Variants in GABRR3 observed in about 807,000 individuals in gnomAD.
GABRR3 encodes the protein gamma-aminobutyric acid type A receptor subunit rho3.
A neutral mutation model predicts 43.2 loss-of-function variants in GABRR3; 29 were observed. The observed-to-expected ratio is 0.67, with a 90% CI of 0.50 to 0.92. The LOEUF is 0.92. Among genes scored for constraint, GABRR3 ranks in the 40% least tolerant of loss-of-function variants. The probability of loss-of-function intolerance (pLI) is 0.00; values close to 1 mark genes in which losing one functional copy is unlikely to be tolerated. For missense variants in GABRR3, 576 were observed against 572.3 expected, an observed-to-expected ratio of 1.01 and a Z score of -0.07; for synonymous variants, 206 against 195.9, an observed-to-expected ratio of 1.05 and a Z score of -0.43.
intron 7 of GABRR3, among the ~76,000 whole-genome samples, chr3:98,004,187 A>G (rs1027946558): frequency 3.3e-5 from 5 of 152,184 alleles, no homozygotes; most frequent in African/African-American, 4.8e-5. Flanking sequence ...AATACTCTCT[A>G]TGAAAAGGAT....
chr3:98,026,270 A>G (rs1440067748), intron 2 of GABRR3, among the ~76,000 whole-genome samples: 1 of 152,188 alleles, frequency 6.6e-6, no homozygotes, highest in African/African-American at 2.4e-5. Flanking sequence ...AGCCTGAGGG[A>G]TGGCAATATT....
In GABRR3 at chr3:98,025,827, T is replaced by C. The variant is rs542471291; in HGVS notation, c.126-148A>G. 65 of 556,474 alleles carry C rather than the reference T, an allele frequency of 1.2e-4. No individual in the cohort carries two copies. The East Asian group carries it at 1.9e-3, about 16-fold the overall frequency. 34.5% of individuals were successfully genotyped at this position (556,474 alleles called of 1,614,324 possible). Reference sequence around the variant, plus strand: ...CTCAGTTCATATTAAGCCAAAGAGCTGTCAACATTTGTTCTTTATTATATA... The same window carrying C: ...CTCAGTTCATATTAAGCCAAAGAGCCGTCAACATTTGTTCTTTATTATATA... On this transcript the variant is annotated intron_variant, in intron 2 of 9. Transcript: ENST00000621172.
chr3:98,034,944 A>T, exon 2 of GABRR3: 2 of 1,613,070 alleles, frequency 1.2e-6, no homozygotes, highest in Non-Finnish European at 1.7e-6. Flanking sequence ...TTTCAATATG[A>T]TCCAGATGTA....
At chr3:97,995,520 A>G (rs1706524883) in intron 8 of GABRR3, among the ~76,000 whole-genome samples, 1 of 152,156 alleles carries the variant, frequency 6.6e-6, no homozygotes, top group Non-Finnish European at 1.5e-5. Context: ...TTTTCTTTAA[A>G]AGGGTGCTTA....
intron 2 of GABRR3, among the ~76,000 whole-genome samples, chr3:98,034,381 A>G (rs941171271): frequency 6.6e-6 from 1 of 152,146 alleles, no homozygotes; most frequent in Admixed American, 6.6e-5. Context: ...TGATTTGTCA[A>G]ACGTATGAAA....
chr3:98,020,015 T>C (rs757423540), intron 3 of GABRR3, among the ~76,000 whole-genome samples: 1 of 152,210 alleles, frequency 6.6e-6, no homozygotes, highest in Non-Finnish European at 1.5e-5. Flanking sequence ...ATAATCAAAA[T>C]AACAATTCAC....
At chr3:98,006,834 C>T (rs1196899394) in intron 7 of GABRR3, among the ~76,000 whole-genome samples, 1 of 152,240 alleles carries the variant, frequency 6.6e-6, no homozygotes, top group Non-Finnish European at 1.5e-5. Flanking sequence ...ATGGGGATCA[C>T]ATATAACTTT....
At chr3:98,025,897 T>C (rs1486367100) in intron 2 of GABRR3, among the ~76,000 whole-genome samples, 1 of 152,226 alleles carries the variant, frequency 6.6e-6, no homozygotes, top group Non-Finnish European at 1.5e-5. Context: ...GCACATTAAG[T>C]GACAAACTCA....
At chr3:98,022,117 CTG>C (rs1706956415) in intron 3 of GABRR3, among the ~76,000 whole-genome samples, 1 of 152,160 alleles carries the variant, frequency 6.6e-6, no homozygotes, top group Non-Finnish European at 1.5e-5. Flanking sequence ...TGTCTTGACT[CTG>C]TAGCCAGTAT....
chr3:97,993,018 A>ATTCCTGCCAT lies in GABRR3; in HGVS notation c.937_938insATGGCAGGAA (p.Ile313AsnfsTer38). ...CATGGAGGCGCTCACAGCAGTGATG[A>ATTCCTGCCAT]TTGTGGACATGGTCAGCACTGTGGT... On this transcript the variant is annotated frameshift_variant, in exon 9 of 10. Transcript: ENST00000621172. LOFTEE classifies it high-confidence loss of function. The ATTCCTGCCAT allele has an allele frequency of 6.2e-7, 1 of 1,611,520 alleles. No homozygotes were observed. The highest frequency in any genetic ancestry group is 8.5e-7 in the Non-Finnish European group (1 of 1,178,612).
At chr3:98,010,040 T>C (rs1467509631) in intron 5 of GABRR3, among the ~76,000 whole-genome samples, 1 of 152,210 alleles carries the variant, frequency 6.6e-6, no homozygotes, top group African/African-American at 2.4e-5. Flanking sequence ...GGGCTTGGAT[T>C]GGCTCTGCTG....
At chr3:98,031,917 A>G (rs961585908) in intron 2 of GABRR3, among the ~76,000 whole-genome samples, 1 of 151,968 alleles carries the variant, frequency 6.6e-6, no homozygotes, top group Non-Finnish European at 1.5e-5. Context: ...TGGCTTTTAC[A>G]TTAGGTTCAG....
exon 10 of GABRR3, chr3:97,986,696 C>A (rs1576032350): frequency 1.9e-6 from 3 of 1,546,152 alleles, no homozygotes; most frequent in East Asian, 2.3e-5. Context: ...TACATATACA[C>A]CCCAGTAAAA....
chr3:98,031,670 G>A lies in GABRR3; in HGVS notation c.125+3193C>T, dbSNP rs1707088052. Among the ~76,000 whole-genome samples the A allele has an allele frequency of 1.3e-5, 2 of 151,950 alleles. 1 individual carries two copies. Among genetic ancestry groups the A allele is most frequent in the East Asian group, 3.9e-4 (2 of 5,170 alleles). On this transcript the variant is annotated intron_variant, in intron 2 of 9. Transcript: ENST00000621172. ...AGGTGGGAGGACCACTTGAGCACAG[G>A]TGTTTGAGGTTATAGTGAACTATGA... is the stretch of plus-strand genomic sequence containing the variant.
At chr3:98,034,839 T>C (rs1019876778) in intron 2 of GABRR3, 24 bp downstream of exon 2, 2 of 1,611,412 alleles carry the variant, frequency 1.2e-6, no homozygotes, top group African/African-American at 1.3e-5. Context: ...AGTAATTCCA[T>C]GGACTGCACT....
At chr3:98,005,764 G>A (rs1706716608) in intron 7 of GABRR3, among the ~76,000 whole-genome samples, 1 of 152,080 alleles carries the variant, frequency 6.6e-6, no homozygotes, top group Non-Finnish European at 1.5e-5. Flanking sequence ...TATGTTAATG[G>A]ATAGTTGTGC....
intron 7 of GABRR3, among the ~76,000 whole-genome samples, chr3:98,003,532 G>A (rs1221782061): frequency 6.6e-6 from 1 of 151,374 alleles, no homozygotes; most frequent in Non-Finnish European, 1.5e-5. Context: ...TGCAGGTCAT[G>A]GGGAGTCCAT....
At chr3:98,003,488 G>A (rs940879566) in intron 7 of GABRR3, among the ~76,000 whole-genome samples, 14 of 150,174 alleles carry the variant, frequency 9.3e-5, no homozygotes, top group Non-Finnish European at 1.6e-4. Context: ...TCTGTCTTGT[G>A]GTTTTAGACT....
chr3:97,988,622 G>C (rs1163737125), intron 9 of GABRR3, among the ~76,000 whole-genome samples: 1 of 150,074 alleles, frequency 6.7e-6, no homozygotes, highest in African/African-American at 2.5e-5. Flanking sequence ...GGTGGTGGTG[G>C]TGGTGAATGG....
Sources: allele counts gnomAD v4.1 joint callset (sites outside exome capture counted in the v4.1 genomes callset), GRCh38; gene constraint gnomAD v4.1.1; transcripts MANE v1.5; gene names NCBI Gene and HGNC (gene_info 2026-07-23, HGNC 2026-07-21).